Variants in ECPAS observed in about 807,000 individuals in gnomAD.
ECPAS encodes the protein Ecm29 proteasome adaptor and scaffold, also known as proteasome adapter and scaffold protein ECM29.
Under a neutral mutation model 255.1 loss-of-function variants are expected in ECPAS, and 70 were observed. The observed-to-expected ratio is 0.27, with a 90% confidence interval of 0.23 to 0.33. The LOEUF is 0.33. Ranked by LOEUF, ECPAS falls within the 10% of genes least tolerant of loss-of-function variation. ECPAS has a pLI of 1.00. For synonymous variants in ECPAS, 784 were observed against 775.0 expected (o/e 1.01, Z -0.19); for missense variants, 1,817 against 2,206.4 (o/e 0.82, Z 3.54).
rs186033127 is a variant in ECPAS, at chr9:111,372,648, G to A, written c.4337-28C>T. 1.7e-4 allele frequency: 257 copies of A among 1,545,922 alleles called. 1 individual carries two copies. The African/African-American group carries it at 2.9e-3, about 17-fold the overall frequency. On this transcript the variant is annotated intron_variant, in intron 41 of 49. Coordinates refer to ENST00000684092, the MANE Select transcript of ECPAS (RefSeq NM_001364929.1). ...GAAAAGGAGAAACCAAAATCTTTAC[G>A]ATATTTATTGTTTTTAAGGGTAACT...
chr9:111,481,584 A>C (rs1452958771), intron 1 of ECPAS, among the ~76,000 whole-genome samples: 4 of 152,190 alleles, frequency 2.6e-5, no homozygotes, highest in Non-Finnish European at 4.4e-5. Context: ...TGATCCAGCA[A>C]TTACATTTCT....
Position 111,361,689 on chromosome 9 carries a change from T to C in ECPAS, c.*341A>G, listed in dbSNP as rs964124704. ...CCCTTCCTGAAATAACTAATTTGAA[T>C]GCAGTTCTAAGATTTTTATCCAGCT... On this transcript the variant is annotated 3_prime_UTR_variant, in exon 50 of 50. Transcript: ENST00000684092. 1 of 165,358 alleles carries C rather than the reference T, an allele frequency of 6.0e-6. No homozygotes were observed. Among genetic ancestry groups the C allele is most frequent in the African/African-American group, 2.4e-5 (1 of 41,952 alleles). 10.2% of individuals were successfully genotyped at this position (165,358 alleles called of 1,614,324 possible).
intron 16 of ECPAS, among the ~76,000 whole-genome samples, chr9:111,419,778 AT>A (rs2098210409): frequency 6.7e-6 from 1 of 149,950 alleles, no homozygotes; most frequent in African/African-American, 2.4e-5. Flanking sequence ...TATATATCAT[AT>A]ATTACACATA....
chr9:111,425,484 G>C lies in ECPAS; in HGVS notation c.1149C>G (p.Ile383Met). Residue 383 changes from isoleucine to methionine, a missense_variant, in exon 12 of 50, where the codon ATC becomes ATG. Ile to Met is a conservative substitution (Grantham distance 10). Coordinates refer to ENST00000684092, the MANE Select transcript of ECPAS (RefSeq NM_001364929.1). ...VHHICITCPEIKIKPLGPMLL... is the reference protein window; with the variant it reads ...VHHICITCPEMKIKPLGPMLL... ...GCATTGGACCTAATGGCTTAATCTT[G>C]ATTTCTGGACAGCTTTAAATAAAAC... 6.3e-7 allele frequency: 1 copy of C among 1,596,640 alleles called. No homozygotes were observed. Among genetic ancestry groups the C allele is most frequent in the Admixed American group, 1.7e-5 (1 of 57,412 alleles).
intron 38 of ECPAS, among the ~76,000 whole-genome samples, chr9:111,374,700 TA>T (rs1219861843): frequency 6.6e-6 from 1 of 152,186 alleles, no homozygotes; most frequent in East Asian, 1.9e-4. Flanking sequence ...AAAAGGGTGG[TA>T]GGGGGGTGTC....
intron 3 of ECPAS, among the ~76,000 whole-genome samples, chr9:111,445,733 T>G (rs981068360): frequency 6.6e-6 from 1 of 152,078 alleles, no homozygotes; most frequent in African/African-American, 2.4e-5. Context: ...AATGTGCAGG[T>G]TTTTACATAG....
intron 28 of ECPAS, 30 bp downstream of exon 28, chr9:111,392,738 T>G: frequency 6.8e-7 from 1 of 1,463,682 alleles, no homozygotes. Context: ...CTCTATGGGC[T>G]TGAATCTAAA....
intron 25 of ECPAS, among the ~76,000 whole-genome samples, chr9:111,396,486 T>A (rs1184064141): frequency 6.6e-6 from 1 of 152,192 alleles, no homozygotes; most frequent in Admixed American, 6.5e-5. Context: ...TTCAAGGTAA[T>A]CCAAAGCTGA....
In ECPAS at chr9:111,437,066, T is replaced by C. The variant is rs2098239234; in HGVS notation, c.582A>G (p.Ser194=). ...CACTGTTTGAAGAAGAACCCTGTGC[T>C]GAAGATGAATTTTGGCGACTCTGGG... The part of the protein sequence containing the change: ...NESQSRQNSS[S]AQGSSSNSGG... Residue 194 remains serine, a synonymous_variant, in exon 7 of 50, where the codon TCA becomes TCG. Coordinates refer to ENST00000684092, the MANE Select transcript of ECPAS (RefSeq NM_001364929.1). 1 of 1,610,310 alleles carries C rather than the reference T, an allele frequency of 6.2e-7. No individual in the cohort carries two copies. Among genetic ancestry groups the C allele is most frequent in the African/African-American group, 1.3e-5 (1 of 74,656 alleles).
At chr9:111,390,235 G>T in intron 29 of ECPAS, 134 bp from the exon 30 acceptor site, 1 of 539,306 alleles carries the variant, frequency 1.9e-6, no homozygotes. Flanking sequence ...TTATCACCAT[G>T]GAGACAGAAC....
intron 6 of ECPAS, among the ~76,000 whole-genome samples, chr9:111,438,097 A>C (rs893696512): frequency 2.0e-5 from 3 of 152,176 alleles, no homozygotes; most frequent in African/African-American, 7.2e-5. Context: ...TTATTATATA[A>C]ATGACCCAAG....
chr9:111,456,943 C>T (rs1203484546), intron 2 of ECPAS, among the ~76,000 whole-genome samples: 1 of 151,962 alleles, frequency 6.6e-6, no homozygotes, highest in African/African-American at 2.4e-5. Flanking sequence ...TGTTTGCGAA[C>T]AACAGCATTT....
Position 111,391,836 on chromosome 9 carries a change from C to T in ECPAS, c.3093-12G>A. ...CTTCATGTTTAACTCTAAACCAAAA[C>T]AATAATTTCAATAAGCTTCAAGCTT... On this transcript the variant is annotated splice_polypyrimidine_tract_variant and intron_variant, in intron 28 of 49. Coordinates refer to ENST00000684092, the MANE Select transcript of ECPAS (RefSeq NM_001364929.1). 1 of 1,526,998 alleles carries T rather than the reference C, an allele frequency of 6.5e-7. No individual in the cohort carries two copies. Among genetic ancestry groups the T allele is most frequent in the Non-Finnish European group, 9.0e-7 (1 of 1,110,254 alleles). 94.6% of individuals were successfully genotyped at this position (1,526,998 alleles called of 1,614,324 possible).
intron 15 of ECPAS, 23 bp from the exon 16 acceptor site, chr9:111,420,143 C>T: frequency 2.7e-6 from 4 of 1,496,504 alleles, no homozygotes; most frequent in Non-Finnish European, 3.7e-6. Context: ...TAAACATACA[C>T]AGACCACCCC....
intron 2 of ECPAS, among the ~76,000 whole-genome samples, chr9:111,457,520 G>A (rs887067597): frequency 6.6e-6 from 1 of 152,188 alleles, no homozygotes; most frequent in Admixed American, 6.5e-5. Context: ...GAAGACTGCT[G>A]TTGATAAAAT....
At position 111,444,606 on chromosome 9, in the gene ECPAS, T is replaced by A. The variant is rs984313285; in HGVS notation, c.154-112A>T. On this transcript the variant is annotated intron_variant, in intron 3 of 49. Transcript: ENST00000684092. Reference sequence around the variant, plus strand: ...TGTTAGTGAATAGTAGCTACTTTGTTCTTTTAAAGGGTATAAATTTTACAT... The same window carrying A: ...TGTTAGTGAATAGTAGCTACTTTGTACTTTTAAAGGGTATAAATTTTACAT... The A allele has an allele frequency of 1.0e-5, 7 of 698,596 alleles. No individual in the cohort carries two copies. The African/African-American group carries it at 1.3e-4, about 13-fold the overall frequency. The allele number at this position is 698,596 out of a possible 1,614,324, so 43.3% of individuals were successfully genotyped here.
At chr9:111,397,211 T>C in intron 24 of ECPAS, 58 bp from the exon 25 acceptor site, 1 of 1,597,496 alleles carries the variant, frequency 6.3e-7, no homozygotes, top group East Asian at 2.2e-5. Flanking sequence ...AAAACATCCA[T>C]TTCTACAGAA....
intron 18 of ECPAS, among the ~76,000 whole-genome samples, chr9:111,415,867 T>C (rs2098202750): frequency 6.6e-6 from 1 of 152,182 alleles, no homozygotes; most frequent in South Asian, 2.1e-4. Flanking sequence ...GTAATTTACC[T>C]AGAGCAAGTC....
intron 24 of ECPAS, among the ~76,000 whole-genome samples, chr9:111,407,704 C>CACTAA (rs1213677979): frequency 6.6e-6 from 1 of 152,138 alleles, no homozygotes; most frequent in Non-Finnish European, 1.5e-5. Flanking sequence ...CAAAGACATA[C>CACTAA]ACTAACTCTT....
Sources: allele counts gnomAD v4.1 joint callset (sites outside exome capture counted in the v4.1 genomes callset), GRCh38; gene constraint gnomAD v4.1.1; transcripts MANE v1.5; gene names NCBI Gene and HGNC (gene_info 2026-07-23, HGNC 2026-07-21).